KIF3B: variants seen among roughly 807,000 people sequenced by gnomAD.
The protein encoded by KIF3B is kinesin-like protein KIF3B.
Under a neutral mutation model 74.3 loss-of-function variants are expected in KIF3B, and 38 were observed. That is an observed-to-expected ratio of 0.51 (90% confidence interval 0.39 to 0.67). The LOEUF (loss-of-function observed/expected upper bound fraction) is 0.67, where lower values mean the gene tolerates loss of function less well. Among genes scored for constraint, KIF3B ranks in the 30% least tolerant of loss-of-function variants. KIF3B has a pLI of 0.00. For synonymous variants in KIF3B, 326 were observed against 342.5 expected (o/e 0.95, Z 0.53); for missense variants, 649 against 932.0 (o/e 0.70, Z 3.95).
chr20:32,310,378 C>T lies in KIF3B; in HGVS notation c.601C>T (p.Arg201Cys), dbSNP rs772439368. The change falls in exon 2 of 9, where the codon CGT (arginine) becomes TGT (cysteine). Residue 201 changes from arginine (R) to cysteine (C), a missense_variant. Around this residue, in one of 4 missense-constraint regions of KIF3B, gnomAD observed 363 missense variants for 592.8 expected, o/e 0.61. Coordinates refer to ENST00000375712, the MANE Select transcript of KIF3B (RefSeq NM_004798.4). This position sits in a 1 kb window ranked among gnomAD's most constrained non-coding sequence, Gnocchi z 6.5. ...TGTGATGAATGTGGGGAACCAGAAC[C>T]GTTCTGTCGGTGCTACCAACATGAA... Reference protein sequence around the residue: ...EHVMNVGNQNRSVGATNMNEH... With the variant: ...EHVMNVGNQNCSVGATNMNEH... 3 of 1,614,166 alleles carry T rather than the reference C, an allele frequency of 1.9e-6. No homozygotes were observed. Among genetic ancestry groups the T allele is most frequent in the South Asian group, 1.1e-5 (1 of 91,068 alleles).
chr20:32,322,740 ATT>A (rs1429451929), intron 5 of KIF3B, among the ~76,000 whole-genome samples: 2 of 55,664 alleles, frequency 3.6e-5, no homozygotes, highest in African/African-American at 2.0e-4. Context: ...ATTTATATAT[ATT>A]TATTTATATA....
intron 1 of KIF3B, among the ~76,000 whole-genome samples, chr20:32,292,993 G>C (rs1361237038): frequency 1.3e-5 from 2 of 152,180 alleles, no homozygotes; most frequent in Non-Finnish European, 2.9e-5. Context: ...AGTGGCTCAT[G>C]ACTGTAATCC....
At chr20:32,295,599 A>G (rs950056936) in intron 1 of KIF3B, among the ~76,000 whole-genome samples, 2 of 151,380 alleles carry the variant, frequency 1.3e-5, no homozygotes, top group South Asian at 2.1e-4. Flanking sequence ...GGCTGACCTT[A>G]TGTTTACAAA....
intron 5 of KIF3B, among the ~76,000 whole-genome samples, chr20:32,320,680 T>C (rs2047855862): frequency 6.6e-6 from 1 of 152,148 alleles, no homozygotes; most frequent in Non-Finnish European, 1.5e-5. Flanking sequence ...CACACCTGGC[T>C]AATTTTTTAA....
At chr20:32,284,072 C>G (rs2047656403) in intron 1 of KIF3B, among the ~76,000 whole-genome samples, 1 of 151,908 alleles carries the variant, frequency 6.6e-6, no homozygotes, top group Non-Finnish European at 1.5e-5. Context: ...CATGCCACTA[C>G]ACCCAGCTAA....
At chr20:32,286,400 T>C (rs2047667595) in intron 1 of KIF3B, among the ~76,000 whole-genome samples, 1 of 152,216 alleles carries the variant, frequency 6.6e-6, no homozygotes, top group African/African-American at 2.4e-5. Flanking sequence ...AGATTCCATC[T>C]AGGTAAGATA....
chr20:32,294,073 T>A lies in KIF3B; in HGVS notation c.-65-15640T>A, dbSNP rs150500675. Among the ~76,000 whole-genome samples, 12 of 152,332 alleles carry A rather than the reference T, an allele frequency of 7.9e-5. No individual in the cohort carries two copies. In the East Asian group the frequency reaches 2.3e-3, roughly 29 times the overall value. On this transcript the variant is annotated intron_variant, in intron 1 of 8. Transcript: ENST00000375712. ...TAAAAGAGGACTCACATTAAGCTCT[T>A]GGTATACTGTGAGTTGTGACTATTG...
chr20:32,296,531 G>C (rs975336528), intron 1 of KIF3B, among the ~76,000 whole-genome samples: 1 of 152,040 alleles, frequency 6.6e-6, no homozygotes, highest in African/African-American at 2.4e-5. Flanking sequence ...ATGGGAGGCA[G>C]AGGTTGCAGT....
Position 32,289,105 on chromosome 20 carries a change from T to C in KIF3B, c.-66+11340T>C, listed in dbSNP as rs62208767. Among the ~76,000 whole-genome samples, 1,450 of 152,070 alleles carry C rather than the reference T, an allele frequency of 9.5e-3. 14 individuals are homozygous for C. The highest frequency in any genetic ancestry group is 0.023 in the African/African-American group (948 of 41,532). ...GTCAAACACAACATCCAAAATTATGTTGAATGTAGTGGTGAGAGCTATTCC... is the reference window on the plus strand; with the variant it reads ...GTCAAACACAACATCCAAAATTATGCTGAATGTAGTGGTGAGAGCTATTCC... On this transcript the variant is annotated intron_variant, in intron 1 of 8. Transcript: ENST00000375712.
intron 1 of KIF3B, among the ~76,000 whole-genome samples, chr20:32,279,972 C>G (rs571605688): frequency 8.5e-5 from 13 of 152,318 alleles, no homozygotes; most frequent in Admixed American, 4.6e-4. Context: ...TACTTTACCT[C>G]TGAAATGATG....
intron 5 of KIF3B, among the ~76,000 whole-genome samples, chr20:32,322,728 T>A (rs377563184): frequency 0.017 from 707 of 41,312 alleles, 17 homozygotes; most frequent in Non-Finnish European, 0.022. Context: ...TTATATTTAT[T>A]TATTTATATA....
At chr20:32,303,892 T>G (rs557786463) in intron 1 of KIF3B, among the ~76,000 whole-genome samples, 113 of 151,938 alleles carry the variant, frequency 7.4e-4, no homozygotes, top group Middle Eastern at 3.4e-3. Context: ...AAAGAAATGT[T>G]ATTCTAGTGA....
At chr20:32,319,939 G>A (rs1413973843) in intron 5 of KIF3B, among the ~76,000 whole-genome samples, 3 of 151,516 alleles carry the variant, frequency 2.0e-5, no homozygotes, top group Non-Finnish European at 4.4e-5. Flanking sequence ...CTGTCACCCA[G>A]GCTGGAGTGC....
chr20:32,328,184 G>T (rs1384462524), intron 7 of KIF3B, among the ~76,000 whole-genome samples: 1 of 151,892 alleles, frequency 6.6e-6, no homozygotes, highest in East Asian at 1.9e-4. Flanking sequence ...AGCACTTTGG[G>T]AGGCTGAGGT....
chr20:32,290,410 A>G (rs961265376), intron 1 of KIF3B, among the ~76,000 whole-genome samples: 7 of 151,810 alleles, frequency 4.6e-5, no homozygotes, highest in Non-Finnish European at 7.4e-5. Context: ...TAGGAATGAT[A>G]GAGCTGGGTT....
intron 7 of KIF3B, 70 bp from the exon 8 acceptor site, chr20:32,330,071 C>G: frequency 1.5e-6 from 2 of 1,369,206 alleles, no homozygotes; most frequent in Non-Finnish European, 2.0e-6. Context: ...CTTGGAGGGG[C>G]CCTCGATTGC....
At chr20:32,322,794 A>T (rs1340639248) in intron 5 of KIF3B, among the ~76,000 whole-genome samples, 9 of 56,296 alleles carry the variant, frequency 1.6e-4, no homozygotes, top group Admixed American at 3.5e-4. Context: ...ATATATTTAT[A>T]TATATATTTA....
chr20:32,301,369 T>TTTTA lies in KIF3B; in HGVS notation c.-65-8324_-65-8321dup, dbSNP rs538726101. Among the ~76,000 whole-genome samples the TTTTA allele has an allele frequency of 2.9e-4, 44 of 150,888 alleles. No homozygotes were observed. The South Asian group carries it at 2.9e-3, about 10-fold the overall frequency. On this transcript the variant is annotated intron_variant, in intron 1 of 8. Transcript: ENST00000375712. ...TGTGAGTCACTGTGCCCAGCCCATG[T>TTTTA]TTTATTTATTTATTTATTTATTTTT...
intron 1 of KIF3B, among the ~76,000 whole-genome samples, chr20:32,307,754 C>T (rs2047778856): frequency 6.6e-6 from 1 of 151,716 alleles, no homozygotes; most frequent in South Asian, 2.1e-4. Flanking sequence ...CCTATCTCTC[C>T]TAAAAACACA....
Sources: allele counts gnomAD v4.1 joint callset (sites outside exome capture counted in the v4.1 genomes callset), GRCh38; gene constraint gnomAD v4.1.1; regional missense constraint gnomAD v4.1.1; non-coding constraint Gnocchi (gnomAD v3.1); transcripts MANE v1.5; gene names NCBI Gene and HGNC (gene_info 2026-07-23, HGNC 2026-07-21).